LRRC4C: variants seen among roughly 807,000 people sequenced by gnomAD.
LRRC4C encodes leucine-rich repeat-containing protein 4C.
LRRC4C carries 5 observed loss-of-function variants against 33.6 expected under a neutral mutation model. The observed-to-expected ratio is 0.15, with a 90% CI of 0.08 to 0.31. LRRC4C has a LOEUF of 0.31. Ranked by LOEUF, LRRC4C falls within the 10% of genes least tolerant of loss-of-function variation. LRRC4C has a pLI of 1.00. For missense variants in LRRC4C, 560 were observed against 796.7 expected (o/e 0.70, Z 3.58); for synonymous variants, 329 against 302.0 (o/e 1.09, Z -0.93).
intron 3 of LRRC4C, among the ~76,000 whole-genome samples, chr11:40,583,256 C>T (rs1213430342): frequency 1.3e-5 from 2 of 152,150 alleles, no homozygotes; most frequent in Non-Finnish European, 2.9e-5. Flanking sequence ...GTTTAAACCA[C>T]CTATTTCCTC....
chr11:40,368,976 C>T (rs560693786), intron 3 of LRRC4C, among the ~76,000 whole-genome samples: 17 of 152,244 alleles, frequency 1.1e-4, no homozygotes, highest in African/African-American at 4.1e-4. Context: ...TCTACACTGT[C>T]TTAGCAAATA....
At chr11:40,834,790 C>A (rs942384421) in intron 2 of LRRC4C, among the ~76,000 whole-genome samples, 1 of 152,080 alleles carries the variant, frequency 6.6e-6, no homozygotes, top group African/African-American at 2.4e-5. Flanking sequence ...AAAAATTTGG[C>A]CCTCAACATG....
chr11:41,331,241 C>A (rs575920548), intron 1 of LRRC4C, among the ~76,000 whole-genome samples: 1 of 152,284 alleles, frequency 6.6e-6, no homozygotes, highest in South Asian at 2.1e-4. Context: ...TTGAGTTATT[C>A]CTTCCTAGTC....
Position 40,417,531 on chromosome 11 carries a change from TAA to T in LRRC4C, c.-269-97812_-269-97811del, listed in dbSNP as rs570894232. On this transcript the variant is annotated intron_variant, in intron 3 of 6. Transcript: ENST00000528697. ...TTTTTTTTTTGTTTTTAGCAGAGAC[TAA>T]GTTTCACCATGTTGGCCAGGCTCAA... Among the ~76,000 whole-genome samples the T allele has an allele frequency of 8.6e-5, 13 of 151,858 alleles. No individual in the cohort carries two copies. In the South Asian group the frequency reaches 1.5e-3, roughly 17 times the overall value.
chr11:41,143,210 G>C (rs1213578837), intron 1 of LRRC4C, among the ~76,000 whole-genome samples: 7 of 137,220 alleles, frequency 5.1e-5, no homozygotes, highest in Non-Finnish European at 1.1e-4. Flanking sequence ...ACAAAAATAT[G>C]ATAAAAGTGA....
chr11:41,007,546 A>C (rs1480925626), intron 1 of LRRC4C, among the ~76,000 whole-genome samples: 1 of 152,124 alleles, frequency 6.6e-6, no homozygotes, highest in African/African-American at 2.4e-5. Flanking sequence ...ATAGATGAAC[A>C]CCCACACATA....
At chr11:40,750,390 G>A (rs947047535) in intron 2 of LRRC4C, among the ~76,000 whole-genome samples, 1 of 151,804 alleles carries the variant, frequency 6.6e-6, no homozygotes, top group Non-Finnish European at 1.5e-5. Context: ...AAGCAGACAA[G>A]GACACAAAAG....
At chr11:40,418,830 A>C (rs1950421453) in intron 3 of LRRC4C, among the ~76,000 whole-genome samples, 2 of 152,186 alleles carry the variant, frequency 1.3e-5, no homozygotes, top group Admixed American at 6.5e-5. Flanking sequence ...TGGAGCTGGA[A>C]GCCATTATGG....
At chr11:41,399,205 T>C (rs1314185159) in intron 1 of LRRC4C, among the ~76,000 whole-genome samples, 2 of 151,896 alleles carry the variant, frequency 1.3e-5, no homozygotes, top group South Asian at 2.1e-4. Flanking sequence ...TGATTTAAGG[T>C]TTAATGACAC....
chr11:41,142,510 A>G (rs1428893924), intron 1 of LRRC4C, among the ~76,000 whole-genome samples: 1 of 152,202 alleles, frequency 6.6e-6, no homozygotes, highest in African/African-American at 2.4e-5. Flanking sequence ...AATGGTTACT[A>G]GGGATGTGGT....
chr11:40,819,122 C>A (rs937625102), intron 2 of LRRC4C, among the ~76,000 whole-genome samples: 4 of 151,882 alleles, frequency 2.6e-5, no homozygotes, highest in African/African-American at 7.3e-5. Flanking sequence ...CATTAGGTTT[C>A]AAAAGTTATC....
chr11:40,226,357 T>C lies in LRRC4C; in HGVS notation c.-96+15162A>G, dbSNP rs143888513. 9.2e-3 allele frequency among the ~76,000 whole-genome samples: 1,403 copies of C among 152,298 alleles called. 28 individuals are homozygous for C. Among genetic ancestry groups the C allele is most frequent in the South Asian group, 0.089 (427 of 4,822 alleles). On this transcript the variant is annotated intron_variant, in intron 5 of 6. Transcript: ENST00000528697. ...TATATACTTCCTATGACCAATTTTC[T>C]ACAAAGCCTCAATACCACCACAGCA... is the stretch of plus-strand genomic sequence containing the variant.
At chr11:40,971,665 G>C (rs1294592272) in intron 1 of LRRC4C, among the ~76,000 whole-genome samples, 1 of 152,208 alleles carries the variant, frequency 6.6e-6, no homozygotes, top group Admixed American at 6.5e-5. Context: ...TCACCCTCTA[G>C]ACCCCAGAAT....
intron 2 of LRRC4C, among the ~76,000 whole-genome samples, chr11:40,825,550 G>T (rs1219499478): frequency 6.6e-6 from 1 of 151,852 alleles, no homozygotes; most frequent in Admixed American, 6.6e-5. Context: ...TAAGGTAAAA[G>T]TCACTTTAAA....
intron 2 of LRRC4C, among the ~76,000 whole-genome samples, chr11:40,682,371 C>G (rs1022886509): frequency 6.6e-6 from 1 of 152,180 alleles, no homozygotes. Flanking sequence ...ATCTGCCACT[C>G]AAACACTGCC....
At chr11:40,965,319 G>A (rs1781355140) in intron 1 of LRRC4C, among the ~76,000 whole-genome samples, 1 of 152,070 alleles carries the variant, frequency 6.6e-6, no homozygotes, top group Admixed American at 6.6e-5. Context: ...TCTGTAGGTT[G>A]CCTGTTCACT....
rs145926231 is a variant in LRRC4C, at chr11:41,041,826, A to T, written c.-495-108103T>A. ...CTCACAGCCTCACGCTTGTACTCAT[A>T]CACTCAAATACATATAGTCACACAA... On this transcript the variant is annotated intron_variant, in intron 1 of 6. Coordinates refer to ENST00000528697, the MANE Select transcript of LRRC4C (RefSeq NM_001258419.2). 1.5e-3 allele frequency among the ~76,000 whole-genome samples: 235 copies of T among 152,294 alleles called. 1 individual carries two copies. Among genetic ancestry groups the T allele is most frequent in the African/African-American group, 5.1e-3 (213 of 41,592 alleles).
chr11:41,369,050 C>A (rs1017697907), intron 1 of LRRC4C, among the ~76,000 whole-genome samples: 5 of 152,038 alleles, frequency 3.3e-5, no homozygotes, highest in South Asian at 2.1e-4. Flanking sequence ...CCTCTTAGAG[C>A]ATTTTAAGTC....
At chr11:40,425,971 A>T (rs78235238) in intron 3 of LRRC4C, among the ~76,000 whole-genome samples, 1,998 of 150,848 alleles carry the variant, frequency 0.013, 21 homozygotes, top group African/African-American at 0.046. Context: ...AGTACTGTAT[A>T]CTGTGTTTAA....
Sources: allele counts gnomAD v4.1 joint callset (sites outside exome capture counted in the v4.1 genomes callset), GRCh38; gene constraint gnomAD v4.1.1; transcripts MANE v1.5; gene names NCBI Gene and HGNC (gene_info 2026-07-23, HGNC 2026-07-21).